CLVS1: variants seen among roughly 807,000 people sequenced by gnomAD.
CLVS1 encodes clavesin 1.
In CLVS1, 10 loss-of-function variants were observed where a neutral mutation model predicts 33.1. That is an observed-to-expected ratio of 0.30 (90% CI 0.19 to 0.51). CLVS1 has a LOEUF of 0.51. Among genes scored for constraint, CLVS1 ranks in the 20% least tolerant of loss-of-function variants. CLVS1 has a pLI of 0.97. For synonymous variants in CLVS1, 163 were observed against 166.1 expected, an observed-to-expected ratio of 0.98 and a Z score of 0.14; for missense variants, 343 against 433.4, an observed-to-expected ratio of 0.79 and a Z score of 1.85.
At chr8:61,446,848 A>G (rs1035728111) in intron 3 of CLVS1, among the ~76,000 whole-genome samples, 1 of 148,284 alleles carries the variant, frequency 6.7e-6, no homozygotes, top group African/African-American at 2.5e-5. Flanking sequence ...TTTTTGGCCC[A>G]TCCATGGGTT....
intron 3 of CLVS1, among the ~76,000 whole-genome samples, chr8:61,405,663 T>A (rs1454270310): frequency 2.0e-5 from 3 of 151,834 alleles, no homozygotes; most frequent in African/African-American, 4.8e-5. Flanking sequence ...AATGTTACTG[T>A]GTTTTACTAA....
intron 1 of CLVS1, among the ~76,000 whole-genome samples, chr8:61,097,301 T>A (rs930123434): frequency 3.3e-5 from 5 of 151,094 alleles, no homozygotes; most frequent in Non-Finnish European, 5.9e-5. Flanking sequence ...CAAAAAAAAA[T>A]AAAAAAATTA....
chr8:61,122,249 C>T (rs1805884942), intron 1 of CLVS1, among the ~76,000 whole-genome samples: 1 of 152,308 alleles, frequency 6.6e-6, no homozygotes, highest in Admixed American at 6.5e-5. Flanking sequence ...GATACTGGTA[C>T]ATTTTTGTCA....
At chr8:61,343,073 C>T (rs1196676576) in intron 2 of CLVS1, among the ~76,000 whole-genome samples, 1 of 152,204 alleles carries the variant, frequency 6.6e-6, no homozygotes, top group Non-Finnish European at 1.5e-5. Flanking sequence ...CACTGTTCCA[C>T]TCAATTTAAC....
intron 2 of CLVS1, among the ~76,000 whole-genome samples, chr8:61,242,561 G>A (rs1384990852): frequency 3.3e-5 from 5 of 152,108 alleles, no homozygotes; most frequent in Admixed American, 2.0e-4. Context: ...AGGCCGAGGC[G>A]GGAGGATCAC....
chr8:60,977,294 T>C, the CLVS1 span, among the ~76,000 whole-genome samples: 1 of 151,778 alleles, frequency 6.6e-6, no homozygotes, highest in African/African-American at 2.4e-5. Flanking sequence ...TACAAAGAAA[T>C]AGGAAAATAT....
intron 2 of CLVS1, among the ~76,000 whole-genome samples, chr8:61,335,907 T>A (rs1034284451): frequency 2.6e-5 from 4 of 152,160 alleles, no homozygotes. Context: ...AACCTACTTG[T>A]TCATCAGAAT....
the CLVS1 span, among the ~76,000 whole-genome samples, chr8:61,003,537 G>T: frequency 1.3e-5 from 2 of 152,184 alleles, no homozygotes; most frequent in African/African-American, 4.8e-5. Context: ...AGGATAACTG[G>T]CAATGACTCA....
At chr8:61,159,809 A>G (rs1443031361) in intron 2 of CLVS1, among the ~76,000 whole-genome samples, 2 of 152,232 alleles carry the variant, frequency 1.3e-5, no homozygotes. Flanking sequence ...ACAGAAAGAA[A>G]GTGAGCTACG....
At chr8:61,444,157 A>T (rs1816670661) in intron 3 of CLVS1, among the ~76,000 whole-genome samples, 1 of 152,200 alleles carries the variant, frequency 6.6e-6, no homozygotes, top group South Asian at 2.1e-4. Context: ...TAATGTAGAC[A>T]GTCATGTTAT....
At chr8:61,004,054 G>A in the CLVS1 span, among the ~76,000 whole-genome samples, 2 of 152,212 alleles carry the variant, frequency 1.3e-5, no homozygotes, top group Non-Finnish European at 2.9e-5. Context: ...GGTACCTGAA[G>A]AGAGAGAGGA....
chr8:61,114,956 A>C (rs1474419131), intron 1 of CLVS1, among the ~76,000 whole-genome samples: 1 of 152,248 alleles, frequency 6.6e-6, no homozygotes, highest in Non-Finnish European at 1.5e-5. Flanking sequence ...TCTGAGAAGT[A>C]CCATACAATT....
At chr8:61,035,187 C>CTTTTTTT in the CLVS1 span, among the ~76,000 whole-genome samples, 2 of 129,410 alleles carry the variant, frequency 1.5e-5, no homozygotes, top group Non-Finnish European at 3.2e-5. Context: ...TTTCTTTTTT[C>CTTTTTTT]TTTTTTTTTT....
rs1158938984 is a variant in CLVS1 at position 61,167,662 on chromosome 8, A to G, written c.-152+35802A>G. Among the ~76,000 whole-genome samples, 8 of 152,338 alleles carry G rather than the reference A, an allele frequency of 5.3e-5. No homozygotes were observed. The East Asian group carries it at 1.5e-3, about 29-fold the overall frequency. ...CTGAAACTTACTGGGCTGCAATCCC[A>G]GATGGTTAAGGTATTCTAAGTCACA... On this transcript the variant is annotated intron_variant, in intron 2 of 2. Transcript: ENST00000522621.
intron 3 of CLVS1, among the ~76,000 whole-genome samples, chr8:61,433,278 G>GTT (rs1311445908): frequency 6.6e-6 from 1 of 152,220 alleles, no homozygotes; most frequent in Non-Finnish European, 1.5e-5. Flanking sequence ...TGTAAGGCTT[G>GTT]TTATTAGTGT....
intron 2 of CLVS1, among the ~76,000 whole-genome samples, chr8:61,342,355 G>A (rs1219416103): frequency 6.6e-6 from 1 of 152,206 alleles, no homozygotes; most frequent in Non-Finnish European, 1.5e-5. Context: ...AATGGAAGGA[G>A]GACAGGACTC....
chr8:61,056,213 C>T (rs1021107714), upstream of CLVS1, among the ~76,000 whole-genome samples: 2 of 152,200 alleles, frequency 1.3e-5, no homozygotes, highest in Non-Finnish European at 2.9e-5. Flanking sequence ...AGGCTTTTGA[C>T]TCCAACAGTG....
At chr8:61,129,539 C>T (rs1180747513) in intron 1 of CLVS1, among the ~76,000 whole-genome samples, 1 of 152,196 alleles carries the variant, frequency 6.6e-6, no homozygotes, top group Admixed American at 6.5e-5. Flanking sequence ...AGCTTATAAA[C>T]AACAGAGATT....
At chr8:61,382,742 C>T (rs1219636113) in intron 3 of CLVS1, among the ~76,000 whole-genome samples, 1 of 152,170 alleles carries the variant, frequency 6.6e-6, no homozygotes, top group African/African-American at 2.4e-5. Context: ...ATTTACACTT[C>T]ACACACACTT....
Sources: gnomAD v4.1 joint callset for allele counts (sites outside exome capture counted in the v4.1 genomes callset) on GRCh38, gnomAD v4.1.1 for gene constraint, MANE v1.5 for transcripts, NCBI Gene and HGNC (gene_info 2026-07-23, HGNC 2026-07-21) for gene names.